LEMD1: variants seen among roughly 807,000 people sequenced by gnomAD.
The protein encoded by LEMD1 is LEM domain containing 1.
LEMD1 carries 18 observed loss-of-function variants against 17.4 expected under a neutral mutation model. That is an observed-to-expected ratio of 1.04 (90% CI 0.72 to 1.54). The LOEUF (loss-of-function observed/expected upper bound fraction) is 1.54, where lower values mean the gene tolerates loss of function less well. Among genes scored for constraint, LEMD1 ranks in the 40% most tolerant of loss-of-function variants. LEMD1 has a pLI of 0.00. For missense variants in LEMD1, 195 were observed against 210.4 expected, an observed-to-expected ratio of 0.93 and a Z score of 0.45; for synonymous variants, 88 against 77.8, an observed-to-expected ratio of 1.13 and a Z score of -0.69.
chr1:205,406,380 C>T (rs960961578), intron 4 of LEMD1, among the ~76,000 whole-genome samples: 20 of 152,244 alleles, frequency 1.3e-4, no homozygotes, highest in African/African-American at 4.8e-4. Flanking sequence ...TTCCTGGCTG[C>T]TTTGTTTACC....
chr1:205,425,655 T>C (rs938127748), upstream of LEMD1, among the ~76,000 whole-genome samples: 7 of 151,940 alleles, frequency 4.6e-5, no homozygotes, highest in Admixed American at 3.3e-4. Context: ...GTGGGGGAAA[T>C]GGAAGAGTAA....
chr1:205,412,922 A>G (rs16855532), intron 4 of LEMD1, among the ~76,000 whole-genome samples: 4,878 of 152,298 alleles, frequency 0.032, 159 homozygotes, highest in African/African-American at 0.082. Context: ...TGCAGGAACT[A>G]TATTAAAGGG....
chr1:205,427,667 AT>A (rs1165499651), intron 1 of LEMD1, among the ~76,000 whole-genome samples: 1 of 152,200 alleles, frequency 6.6e-6, no homozygotes, highest in Non-Finnish European at 1.5e-5. Flanking sequence ...GGAGTGTTGA[AT>A]TCCCATGGCT....
At chr1:205,396,810 T>C (rs1175943907) in intron 4 of LEMD1, among the ~76,000 whole-genome samples, 1 of 152,174 alleles carries the variant, frequency 6.6e-6, no homozygotes, top group African/African-American at 2.4e-5. Flanking sequence ...GTGGTTGCCA[T>C]GGGGGAAAAG....
At chr1:205,446,142 G>A (rs1018197232) in intron 1 of LEMD1, among the ~76,000 whole-genome samples, 2 of 152,234 alleles carry the variant, frequency 1.3e-5, no homozygotes, top group Middle Eastern at 3.2e-3. Context: ...GAAGGGACAT[G>A]AGGGCAACTT....
intron 4 of LEMD1, among the ~76,000 whole-genome samples, chr1:205,390,752 T>C (rs1664293201): frequency 6.6e-6 from 1 of 152,228 alleles, no homozygotes; most frequent in South Asian, 2.1e-4. Context: ...ATTAAAAGCC[T>C]ACCTACTAAT....
chr1:205,433,708 G>C (rs1207711911), intron 1 of LEMD1, among the ~76,000 whole-genome samples: 1 of 152,172 alleles, frequency 6.6e-6, no homozygotes, highest in Non-Finnish European at 1.5e-5. Flanking sequence ...GAAAGGCTTG[G>C]GGTCATATCT....
chr1:205,404,178 G>C (rs1664983402), intron 4 of LEMD1, among the ~76,000 whole-genome samples: 2 of 152,228 alleles, frequency 1.3e-5, no homozygotes, highest in South Asian at 4.1e-4. Flanking sequence ...TGTATATTCT[G>C]TTGATGTGGG....
upstream of LEMD1, among the ~76,000 whole-genome samples, chr1:205,422,253 C>A (rs558515677): frequency 6.6e-6 from 1 of 152,098 alleles, no homozygotes; most frequent in South Asian, 2.1e-4. Flanking sequence ...TCAAGAGATG[C>A]GGAGAAGTTA....
intron 4 of LEMD1, among the ~76,000 whole-genome samples, chr1:205,411,089 G>GAAAA (rs1273226188): frequency 0.026 from 362 of 13,872 alleles, no homozygotes; most frequent in Non-Finnish European, 0.045. Context: ...GAAGGAAAAA[G>GAAAA]AAGAAAGAAA....
intron 4 of LEMD1, among the ~76,000 whole-genome samples, chr1:205,396,297 C>T (rs1482007019): frequency 2.6e-5 from 4 of 152,210 alleles, no homozygotes; most frequent in South Asian, 4.1e-4. Context: ...TAGGCATTAG[C>T]TACCATGCCC....
At chr1:205,429,998 C>T (rs867090728) in intron 1 of LEMD1, among the ~76,000 whole-genome samples, 1 of 152,198 alleles carries the variant, frequency 6.6e-6, no homozygotes, top group Non-Finnish European at 1.5e-5. Flanking sequence ...TTCCGAAACA[C>T]TACTCATTAC....
At chr1:205,433,825 G>T (rs1411522787) in intron 1 of LEMD1, among the ~76,000 whole-genome samples, 1 of 151,974 alleles carries the variant, frequency 6.6e-6, no homozygotes, top group African/African-American at 2.4e-5. Context: ...TCAATCCACC[G>T]CTCTAAACAA....
At chr1:205,434,468 C>G (rs920935825) in intron 1 of LEMD1, among the ~76,000 whole-genome samples, 7 of 151,892 alleles carry the variant, frequency 4.6e-5, no homozygotes, top group Non-Finnish European at 7.4e-5. Context: ...CAGGCATGAA[C>G]CACTGCGCCT....
intron 1 of LEMD1, among the ~76,000 whole-genome samples, chr1:205,434,022 A>G (rs1666166363): frequency 6.6e-6 from 1 of 152,150 alleles, no homozygotes; most frequent in Non-Finnish European, 1.5e-5. Flanking sequence ...ATTCTTTTTC[A>G]AACAGCTTTA....
chr1:205,448,216 C>T lies in LEMD1; in HGVS notation c.-39+1652G>A. Reference sequence around the variant, plus strand: ...CCAGGTTACCAGATCCCGTGATGCCCCACCCCCAAGCAAAGCCTCCTTCTG... The same window carrying T: ...CCAGGTTACCAGATCCCGTGATGCCTCACCCCCAAGCAAAGCCTCCTTCTG... On this transcript the variant is annotated intron_variant, in intron 1 of 3. Coordinates refer to the LEMD1 transcript ENST00000367154. This position sits in a 1 kb window ranked among gnomAD's most constrained non-coding sequence, Gnocchi z 4.7. 2.1e-6 allele frequency: 1 copy of T among 469,318 alleles called. No individual in the cohort carries two copies. The highest frequency in any genetic ancestry group is 4.5e-6 in the Non-Finnish European group (1 of 224,406). 29.1% of individuals were successfully genotyped at this position (469,318 alleles called of 1,614,324 possible).
At chr1:205,425,282 A>G (rs969424762), upstream of LEMD1, among the ~76,000 whole-genome samples, 1 of 152,192 alleles carries the variant, frequency 6.6e-6, no homozygotes, top group African/African-American at 2.4e-5. Flanking sequence ...TACACCTTTT[A>G]GAGCAAATTT....
At chr1:205,393,066 A>T (rs2102360568) in intron 4 of LEMD1, among the ~76,000 whole-genome samples, 1 of 152,302 alleles carries the variant, frequency 6.6e-6, no homozygotes, top group African/African-American at 2.4e-5. Context: ...CAACATAGTT[A>T]AAAAGACAAT....
intron 4 of LEMD1, among the ~76,000 whole-genome samples, chr1:205,398,062 C>G (rs1664672478): frequency 6.6e-6 from 1 of 152,166 alleles, no homozygotes. Context: ...TTGATCATAT[C>G]TACCAGGAGG....
Sources: gnomAD v4.1 joint callset for allele counts (sites outside exome capture counted in the v4.1 genomes callset) on GRCh38, gnomAD v4.1.1 for gene constraint, Gnocchi (gnomAD v3.1) non-coding constraint, MANE v1.5 for transcripts, NCBI Gene and HGNC (gene_info 2026-07-23, HGNC 2026-07-21) for gene names.